SH3PXD2B: variants seen among roughly 807,000 people sequenced by gnomAD.
SH3PXD2B encodes SH3 and PX domains 2B.
In SH3PXD2B, 37 loss-of-function variants were observed where a neutral mutation model predicts 73.1. The ratio of observed to expected loss-of-function variants is 0.51; its 90% confidence interval spans 0.39 to 0.67. The LOEUF (loss-of-function observed/expected upper bound fraction) is 0.67. Ranked by LOEUF, SH3PXD2B falls within the 30% of genes least tolerant of loss-of-function variation. The pLI is 0.00. For synonymous variants in SH3PXD2B, 457 were observed against 480.5 expected, an observed-to-expected ratio of 0.95 and a Z score of 0.64; for missense variants, 1,053 against 1,197.8, an observed-to-expected ratio of 0.88 and a Z score of 1.78.
intron 1 of SH3PXD2B, among the ~76,000 whole-genome samples, chr5:172,438,458 G>A (rs1759444845): frequency 6.6e-6 from 1 of 152,182 alleles, no homozygotes; most frequent in Admixed American, 6.5e-5. Flanking sequence ...CCCGGTAAAA[G>A]AGACAAAAAG....
Position 172,339,134 on chromosome 5 carries a change from G to A in SH3PXD2B, c.1971C>T (p.Gly657=), listed in dbSNP as rs748522040. The change falls in exon 13 of 13, where the codon GGC becomes GGT. Residue 657 remains glycine (G), a synonymous_variant. Transcript: ENST00000311601. The surrounding 1 kb of genome is among the most constrained non-coding windows in gnomAD (Gnocchi z 6.1). ...GGTTGCAGATGTCGACTTGGTCTTC[G>A]CCCTGAGGTGGCTCCGTTTTGGGGG... The part of the protein sequence containing the change: ...APSPKTEPPQ[G]EDQVDICNLR... The A allele has an allele frequency of 9.3e-6, 15 of 1,614,198 alleles. No individual in the cohort carries two copies. The highest frequency in any genetic ancestry group is 3.3e-4 in the Middle Eastern group (2 of 6,062).
chr5:172,419,105 G>A (rs1293944304), intron 2 of SH3PXD2B, among the ~76,000 whole-genome samples: 1 of 152,156 alleles, frequency 6.6e-6, no homozygotes, highest in Non-Finnish European at 1.5e-5. Flanking sequence ...GGAGGCTGAG[G>A]CTCAGAAACA....
intron 1 of SH3PXD2B, among the ~76,000 whole-genome samples, chr5:172,439,690 GCGCACACACA>G (rs1332231736): frequency 0.063 from 7,088 of 113,222 alleles, 283 homozygotes; most frequent in South Asian, 0.27. Context: ...GCGCACGCGC[GCGCACACACA>G]CACACACACA....
intron 2 of SH3PXD2B, among the ~76,000 whole-genome samples, chr5:172,420,085 A>C (rs1426257085): frequency 6.6e-6 from 1 of 151,952 alleles, no homozygotes; most frequent in East Asian, 1.9e-4. Context: ...GGGCATCCCC[A>C]CTGTGATCCT....
At chr5:172,435,450 G>A (rs1759366802) in intron 1 of SH3PXD2B, among the ~76,000 whole-genome samples, 1 of 152,116 alleles carries the variant, frequency 6.6e-6, no homozygotes, top group East Asian at 1.9e-4. Flanking sequence ...GTTTGAGACA[G>A]GGTCTTGCTC....
At chr5:172,410,384 C>T (rs12657598) in intron 2 of SH3PXD2B, among the ~76,000 whole-genome samples, 74,520 of 152,020 alleles carry the variant, frequency 0.49, 19,475 homozygotes, top group East Asian at 0.7. Context: ...GCTTGGTCCA[C>T]TGTCATTCAG....
intron 1 of SH3PXD2B, among the ~76,000 whole-genome samples, chr5:172,449,987 C>T (rs926421162): frequency 2.0e-5 from 3 of 152,068 alleles, no homozygotes; most frequent in South Asian, 2.1e-4. Flanking sequence ...AAAACATTCA[C>T]GACAATACAA....
In SH3PXD2B at chr5:172,333,583, C is replaced by G. The variant is rs765813679; in HGVS notation, c.*4786G>C. ...AGAAGTCAAATGGTAAAGTATATAG[C>G]CTACACATGCTACAGCTAGTTGTTC... On this transcript the variant is annotated 3_prime_UTR_variant, in exon 13 of 13. Transcript: ENST00000311601. The G allele has an allele frequency of 1.6e-5, 20 of 1,258,400 alleles. No homozygotes were observed. The highest frequency in any genetic ancestry group is 2.0e-5 in the Non-Finnish European group (20 of 978,308). The allele number at this position is 1,258,400 out of a possible 1,614,324, so 78.0% of individuals were successfully genotyped here.
At chr5:172,384,178 T>C (rs1415655262) in intron 4 of SH3PXD2B, among the ~76,000 whole-genome samples, 2 of 152,084 alleles carry the variant, frequency 1.3e-5, no homozygotes, top group African/African-American at 2.4e-5. Context: ...CAGCCCTTAA[T>C]AGCTCACCAC....
At chr5:172,327,580 A>G (rs78629687) in intron 12 of SH3PXD2B, among the ~76,000 whole-genome samples, 15,293 of 152,222 alleles carry the variant, frequency 0.1, 791 homozygotes, top group East Asian at 0.18. Flanking sequence ...TGGCCTAACC[A>G]GTAGCCAATA....
chr5:172,332,258 T>C (rs1010809276), downstream of SH3PXD2B, among the ~76,000 whole-genome samples: 16 of 147,482 alleles, frequency 1.1e-4, no homozygotes, highest in South Asian at 4.3e-4. Context: ...TTTCCTTCCT[T>C]TTTTTTTTTT....
At chr5:172,388,727 T>C (rs111414027) in intron 4 of SH3PXD2B, among the ~76,000 whole-genome samples, 1,662 of 152,340 alleles carry the variant, frequency 0.011, 29 homozygotes, top group African/African-American at 0.038. Flanking sequence ...CAGAATAGGC[T>C]GATTTGGGCT....
chr5:172,345,652 A>G (rs1756977129), intron 12 of SH3PXD2B, among the ~76,000 whole-genome samples: 1 of 152,226 alleles, frequency 6.6e-6, no homozygotes, highest in Admixed American at 6.5e-5. Flanking sequence ...GAAATGCAGG[A>G]AGAGAATCTG....
chr5:172,368,469 T>A (rs1014214092), intron 6 of SH3PXD2B, among the ~76,000 whole-genome samples: 2 of 11,098 alleles, frequency 1.8e-4, no homozygotes, highest in African/African-American at 4.8e-4. Context: ...ATATATATAT[T>A]ATATATATAT....
intron 7 of SH3PXD2B, 55 bp from the exon 8 acceptor site, chr5:172,358,932 G>C (rs573617994): frequency 5.3e-6 from 8 of 1,510,114 alleles, no homozygotes; most frequent in Non-Finnish European, 6.4e-6. Flanking sequence ...GAGGCCGGGG[G>C]TCAGAACATA....
intron 1 of SH3PXD2B, among the ~76,000 whole-genome samples, chr5:172,435,230 A>G (rs1202469745): frequency 6.6e-6 from 1 of 152,226 alleles, no homozygotes; most frequent in East Asian, 1.9e-4. Context: ...CCCCAGGTAT[A>G]GTAGACAGCT....
At chr5:172,411,722 T>TA (rs1758702894) in intron 2 of SH3PXD2B, among the ~76,000 whole-genome samples, 1 of 152,102 alleles carries the variant, frequency 6.6e-6, no homozygotes, top group South Asian at 2.1e-4. Flanking sequence ...CCCCGCTCCT[T>TA]ACACTCTGCC....
intron 7 of SH3PXD2B, among the ~76,000 whole-genome samples, chr5:172,360,116 T>A (rs1541916): frequency 6.6e-6 from 1 of 152,002 alleles, no homozygotes; most frequent in Admixed American, 6.6e-5. Flanking sequence ...ATAATAAATA[T>A]GTGCTGTCGG....
Position 172,338,197 on chromosome 5 carries a change from G to T in SH3PXD2B, c.*172C>A. 1 of 1,499,518 alleles carries T rather than the reference G, an allele frequency of 6.7e-7. No individual in the cohort carries two copies. The highest frequency in any genetic ancestry group is 8.9e-7 in the Non-Finnish European group (1 of 1,126,544). 92.9% of individuals were successfully genotyped at this position (1,499,518 alleles called of 1,614,324 possible). A position where few individuals can be genotyped will look rare whatever the true frequency, so the allele number is the denominator to read the frequency against. On this transcript the variant is annotated 3_prime_UTR_variant, in exon 13 of 13. Coordinates refer to ENST00000311601, the MANE Select transcript of SH3PXD2B (RefSeq NM_001017995.3). This position sits in a 1 kb window ranked among gnomAD's most constrained non-coding sequence, Gnocchi z 5.1. Reference sequence around the variant, plus strand: ...GTGATAGGAGGGATCAGGCCCAGGGGCGCCCGAGGTGTCCGAAACTCACTC... The same window carrying T: ...GTGATAGGAGGGATCAGGCCCAGGGTCGCCCGAGGTGTCCGAAACTCACTC...
Sources: allele counts gnomAD v4.1 joint callset (sites outside exome capture counted in the v4.1 genomes callset), GRCh38; gene constraint gnomAD v4.1.1; non-coding constraint Gnocchi (gnomAD v3.1); transcripts MANE v1.5; gene names NCBI Gene and HGNC (gene_info 2026-07-23, HGNC 2026-07-21).